The following VWA5B1 variants were observed in gnomAD, a reference collection of about 807,000 sequenced individuals.
VWA5B1 encodes the protein von Willebrand factor A domain containing 5B1.
Under a neutral mutation model 118.2 loss-of-function variants are expected in VWA5B1, and 115 were observed. The ratio of observed to expected loss-of-function variants is 0.97; its 90% CI spans 0.84 to 1.14. The LOEUF (loss-of-function observed/expected upper bound fraction) is 1.14. Ranked by LOEUF, VWA5B1 falls within the 50% of genes most tolerant of loss-of-function variation. VWA5B1 has a pLI of 0.00. For synonymous variants in VWA5B1, 682 were observed against 658.4 expected, an observed-to-expected ratio of 1.04 and a Z score of -0.55; for missense variants, 1,596 against 1,603.8, an observed-to-expected ratio of 1.00 and a Z score of 0.08.
chr1:20,308,039 C>G (rs140539022), intron 1 of VWA5B1, among the ~76,000 whole-genome samples: 4 of 152,084 alleles, frequency 2.6e-5, no homozygotes, highest in Admixed American at 2.0e-4. Context: ...CTTCCCTCCC[C>G]GACCAGTAGT....
intron 16 of VWA5B1, among the ~76,000 whole-genome samples, chr1:20,344,021 C>T (rs1038872326): frequency 6.9e-6 from 1 of 145,190 alleles, no homozygotes; most frequent in Non-Finnish European, 1.5e-5. Context: ...CACACCACAG[C>T]CTTCAGGTGC....
intron 11 of VWA5B1, 31 bp downstream of exon 11, chr1:20,331,014 G>T: frequency 6.6e-7 from 1 of 1,509,236 alleles, no homozygotes; most frequent in South Asian, 1.3e-5. Context: ...AGTCCCTTCT[G>T]GTGCTGGAAC....
At chr1:20,293,958 A>C (rs2088358888) in intron 1 of VWA5B1, among the ~76,000 whole-genome samples, 1 of 152,100 alleles carries the variant, frequency 6.6e-6, no homozygotes, top group Admixed American at 6.5e-5. Context: ...CAGCGCTGGG[A>C]GGGGCAGGAG....
chr1:20,291,933 G>T (rs1168617907), intron 1 of VWA5B1, among the ~76,000 whole-genome samples: 1 of 152,114 alleles, frequency 6.6e-6, no homozygotes, highest in African/African-American at 2.4e-5. Flanking sequence ...CCATGCTCCC[G>T]CCGCCGGCAC....
rs923099519 is a variant in VWA5B1, at chr1:20,323,285, G to A, written c.967-71G>A. The A allele has an allele frequency of 1.7e-5, 22 of 1,317,284 alleles. No homozygotes were observed. In the Admixed American group the frequency reaches 7.5e-4, roughly 45 times the overall value. The allele number at this position is 1,317,284 out of a possible 1,614,324, so 81.6% of individuals were successfully genotyped here. A position where few individuals can be genotyped will look rare whatever the true frequency, so the allele number is the denominator to read the frequency against. ...GATGTGGGTGCACGGTGAGTGACGG[G>A]GACCAGCATGAGTCCCCAGGAGTAC... On this transcript the variant is annotated intron_variant, in intron 7 of 21. Transcript: ENST00000289815.
intron 18 of VWA5B1, 83 bp from the exon 19 acceptor site, chr1:20,350,073 G>T: frequency 7.1e-7 from 1 of 1,403,168 alleles, no homozygotes; most frequent in East Asian, 2.5e-5. Context: ...CAGACACCGT[G>T]AATTAGACCA....
chr1:20,349,270 C>G (rs1008964471), intron 18 of VWA5B1: 1 of 393,488 alleles, frequency 2.5e-6, no homozygotes, highest in African/African-American at 2.1e-5. Context: ...CTGAGCCAAG[C>G]TGAACTTCCA....
rs60497976 is a variant in VWA5B1 at position 20,297,996 on chromosome 1, A to ATTTTTTTT, written c.-27+6923_-27+6930dup. Among the ~76,000 whole-genome samples, 348 of 126,566 alleles carry ATTTTTTTT rather than the reference A, an allele frequency of 2.7e-3. 2 individuals carry two copies. The highest frequency in any genetic ancestry group is 0.016 in the East Asian group (60 of 3,856). 83.0% of individuals were successfully genotyped at this position (126,566 alleles called of 152,430 possible). ...GATTACTTTCATGACTCGGTGGTGG[A>ATTTTTTTT]TTTTTTTTTTTTTTTTTTTTTTGTT... is the stretch of plus-strand genomic sequence containing the variant. On this transcript the variant is annotated intron_variant, in intron 1 of 21. Transcript: ENST00000289815.
rs968359573 is a variant in VWA5B1, at chr1:20,358,083, C to T, written c.*3820C>T. Among the ~76,000 whole-genome samples, 5 of 152,178 alleles carry T rather than the reference C, an allele frequency of 3.3e-5. No individual in the cohort carries two copies. The highest frequency in any genetic ancestry group is 5.9e-5 in the Non-Finnish European group (4 of 68,038). On this transcript the variant is annotated 3_prime_UTR_variant, in exon 22 of 22. Coordinates refer to ENST00000289815, the MANE Select transcript of VWA5B1 (RefSeq NM_001039500.3). The stretch of plus-strand genomic sequence containing the variant: ...GACTTACACTGGACTTGTCCATAAG[C>T]GGCCTCGGTTTCCAGCCGGCACCCA...
rs781641530 is a variant in VWA5B1 at position 20,309,855 on chromosome 1, C to T, written c.-26-721C>T. On this transcript the variant is annotated intron_variant, in intron 1 of 21. Transcript: ENST00000289815. ...GGTGGCCATGAAGGGAGGATGTGGA[C>T]GGATACAAGGGCTTTTCTAGGGAAG... Among the ~76,000 whole-genome samples the T allele has an allele frequency of 8.9e-5, 13 of 145,300 alleles. 1 individual carries two copies. The highest frequency in any genetic ancestry group is 2.1e-4 in the East Asian group (1 of 4,834).
chr1:20,335,880 G>C (rs2089701527), intron 12 of VWA5B1, among the ~76,000 whole-genome samples: 3 of 152,140 alleles, frequency 2.0e-5, no homozygotes, highest in Admixed American at 6.5e-5. Flanking sequence ...GACACTCAGT[G>C]TAACTTTTAT....
At chr1:20,339,999 CCTGGCACCCAGCAG>C (rs1228264735) in intron 14 of VWA5B1, among the ~76,000 whole-genome samples, 1 of 152,176 alleles carries the variant, frequency 6.6e-6, no homozygotes, top group East Asian at 1.9e-4. Context: ...TGGCCCAGCA[CCTGGCACCCAGCAG>C]GCATCCTTGG....
intron 1 of VWA5B1, among the ~76,000 whole-genome samples, chr1:20,298,008 T>G (rs75154983): frequency 6.0e-5 from 9 of 149,768 alleles, no homozygotes; most frequent in Middle Eastern, 3.4e-3. Context: ...TTTTTTTTTT[T>G]TTTTTTTTTT....
At chr1:20,317,748 G>T (rs2089066348) in intron 5 of VWA5B1, 73 bp downstream of exon 5, 1 of 1,380,398 alleles carries the variant, frequency 7.2e-7, no homozygotes, top group Non-Finnish European at 9.8e-7. Flanking sequence ...GATGGGACGG[G>T]GGTGGGAAGG....
chr1:20,336,382 C>T lies in VWA5B1; in HGVS notation c.1838C>T (p.Pro613Leu). ...SVFYHSQDDG[P>L]GLEGGDCAKN... ...TTCTACCACTCTCAGGATGACGGAC[C>T]CGGGCTGGAAGGTGGAGACTGTGCC... The change falls in exon 13 of 22, where the codon CCC becomes CTC. Residue 613 changes from proline to leucine, a missense_variant. Physicochemically the swap from Pro to Leu is moderately conservative, Grantham distance 98. Transcript: ENST00000289815. 1.3e-6 allele frequency: 2 copies of T among 1,527,066 alleles called. No individual in the cohort carries two copies. The highest frequency in any genetic ancestry group is 8.8e-7 in the Non-Finnish European group (1 of 1,134,492). The allele number at this position is 1,527,066 out of a possible 1,614,324, so 94.6% of individuals were successfully genotyped here. A position where few individuals can be genotyped will look rare whatever the true frequency, so the allele number is the denominator to read the frequency against.
chr1:20,300,830 A>C (rs943456098), intron 1 of VWA5B1, among the ~76,000 whole-genome samples: 1 of 152,270 alleles, frequency 6.6e-6, no homozygotes, highest in Non-Finnish European at 1.5e-5. Context: ...CCAGGGTCTT[A>C]AGACCCCACC....
intron 8 of VWA5B1, among the ~76,000 whole-genome samples, chr1:20,325,314 G>T (rs947741599): frequency 6.6e-6 from 1 of 152,228 alleles, no homozygotes; most frequent in Non-Finnish European, 1.5e-5. Flanking sequence ...TTCTGCCACC[G>T]ATTTGCTCTG....
chr1:20,309,100 C>G (rs2088761454), intron 1 of VWA5B1, among the ~76,000 whole-genome samples: 1 of 152,152 alleles, frequency 6.6e-6, no homozygotes, highest in Non-Finnish European at 1.5e-5. Flanking sequence ...AGATGTGGTC[C>G]TGAGAAGTGC....
In VWA5B1 at chr1:20,330,350, G is replaced by A. The variant is rs147091881; in HGVS notation, c.1425G>A (p.Leu475=). 5.3e-4 allele frequency: 816 copies of A among 1,551,798 alleles called. 12 individuals carry two copies. The East Asian group carries it at 0.014, about 26-fold the overall frequency. The change falls in exon 10 of 22, where the codon CTG becomes CTA. Residue 475 remains leucine, a synonymous_variant. Coordinates refer to ENST00000289815, the MANE Select transcript of VWA5B1 (RefSeq NM_001039500.3). The part of the protein sequence containing the change: ...DGAVNNTGKV[L]ELVRNHAFST... Reference sequence around the variant, plus strand: ...CTGTCAACAACACAGGGAAGGTGCTGGAGCTGGTGCGAAATCACGCCTTCT... The same window carrying A: ...CTGTCAACAACACAGGGAAGGTGCTAGAGCTGGTGCGAAATCACGCCTTCT...
Sources: gnomAD v4.1 joint callset for allele counts (sites outside exome capture counted in the v4.1 genomes callset) on GRCh38, gnomAD v4.1.1 for gene constraint, MANE v1.5 for transcripts, NCBI Gene and HGNC (gene_info 2026-07-23, HGNC 2026-07-21) for gene names.